CHRM3: variants seen among roughly 807,000 people sequenced by gnomAD.
CHRM3 encodes muscarinic acetylcholine receptor M3.
A neutral mutation model predicts 41.8 loss-of-function variants in CHRM3; 11 were observed. That is an observed-to-expected ratio of 0.26 (90% confidence interval 0.17 to 0.44). CHRM3 has a LOEUF of 0.44. CHRM3 is among the 20% of genes least tolerant of loss of function. CHRM3 has a pLI of 1.00. For synonymous variants in CHRM3, 297 were observed against 301.4 expected, an observed-to-expected ratio of 0.99 and a Z score of 0.15; for missense variants, 571 against 745.4, an observed-to-expected ratio of 0.77 and a Z score of 2.72.
chr1:239,664,068 G>A (rs1017877811), intron 4 of CHRM3, among the ~76,000 whole-genome samples: 7 of 152,176 alleles, frequency 4.6e-5, no homozygotes, highest in East Asian at 1.9e-4. Context: ...TCTGGTTTTC[G>A]TGAAGAATTA....
intron 4 of CHRM3, among the ~76,000 whole-genome samples, chr1:239,653,627 C>T (rs371874651): frequency 1.8e-4 from 28 of 152,234 alleles, no homozygotes; most frequent in South Asian, 1.2e-3. Context: ...TACAAGGGCT[C>T]GTTTAGCATT....
chr1:239,445,804 G>T (rs938264380), intron 1 of CHRM3, among the ~76,000 whole-genome samples: 5 of 152,156 alleles, frequency 3.3e-5, no homozygotes, highest in African/African-American at 1.2e-4. Context: ...CTCAGCAGGG[G>T]TGAATCCAGA....
rs563388465 is a variant in CHRM3, at chr1:239,672,043, G to C, written c.-249-6143G>C. ...GGAATTTTATCCCAGAGAATGAAAGGCATGTTGGTAAAGATGAGTTATGCA... is the reference window on the plus strand; with the variant it reads ...GGAATTTTATCCCAGAGAATGAAAGCCATGTTGGTAAAGATGAGTTATGCA... On this transcript the variant is annotated intron_variant, in intron 4 of 6. Transcript: ENST00000676153. 2.6e-5 allele frequency among the ~76,000 whole-genome samples: 4 copies of C among 152,232 alleles called. No homozygotes were observed. In the East Asian group the frequency reaches 7.7e-4, roughly 29 times the overall value.
chr1:239,773,845 G>A (rs10925974), intron 5 of CHRM3, among the ~76,000 whole-genome samples: 18,769 of 152,134 alleles, frequency 0.12, 1,619 homozygotes, highest in South Asian at 0.23. Context: ...TCGTTAGAAT[G>A]GAAGAAGGAA....
At chr1:239,485,398 A>G (rs748061393) in intron 1 of CHRM3, among the ~76,000 whole-genome samples, 1 of 152,150 alleles carries the variant, frequency 6.6e-6, no homozygotes, top group Non-Finnish European at 1.5e-5. Flanking sequence ...TCTGGGCTCA[A>G]GCAATCCTCC....
chr1:239,827,029 G>C (rs1409803571), intron 5 of CHRM3: 1 of 152,174 alleles, frequency 6.6e-6, no homozygotes, highest in Non-Finnish European at 1.5e-5. Context: ...AGAGTGGCAC[G>C]CTGCAAAGTT....
At chr1:239,473,247 A>G (rs1666246165) in intron 1 of CHRM3, among the ~76,000 whole-genome samples, 1 of 150,828 alleles carries the variant, frequency 6.6e-6, no homozygotes, top group Admixed American at 6.6e-5. Flanking sequence ...TTAACTTAAT[A>G]AACGTAAGCA....
chr1:239,662,865 C>T lies in CHRM3; in HGVS notation c.-249-15321C>T, dbSNP rs562120034. Among the ~76,000 whole-genome samples the T allele has an allele frequency of 1.6e-4, 24 of 146,596 alleles. No homozygotes were observed. The South Asian group carries it at 5.2e-3, about 32-fold the overall frequency. On this transcript the variant is annotated intron_variant, in intron 4 of 6. Coordinates refer to ENST00000676153, the MANE Select transcript of CHRM3 (RefSeq NM_001375978.1). ...CTTCTTCCTCTTCCTTCTCCTTCTC[C>T]TTTCTCCTCTTTCTCCTCTTCCTCC...
chr1:239,806,869 C>T (rs1014443550), intron 5 of CHRM3, among the ~76,000 whole-genome samples: 6 of 152,104 alleles, frequency 3.9e-5, no homozygotes, highest in African/African-American at 7.2e-5. Flanking sequence ...CCTTTCAAGG[C>T]GTAAAATTAA....
intron 1 of CHRM3, among the ~76,000 whole-genome samples, chr1:239,417,308 A>G (rs1464441853): frequency 6.6e-6 from 1 of 152,180 alleles, no homozygotes. Context: ...ATATTTTAGA[A>G]CAAGTGGTCT....
At chr1:239,520,886 T>C (rs1669597182) in intron 2 of CHRM3, among the ~76,000 whole-genome samples, 1 of 152,192 alleles carries the variant, frequency 6.6e-6, no homozygotes, top group Non-Finnish European at 1.5e-5. Flanking sequence ...CATAACATAC[T>C]GTTAGTACAA....
intron 4 of CHRM3, among the ~76,000 whole-genome samples, chr1:239,651,618 C>T (rs1672245083): frequency 6.6e-6 from 1 of 152,164 alleles, no homozygotes; most frequent in African/African-American, 2.4e-5. Flanking sequence ...CTACCTCCAG[C>T]ACTTTCTGAG....
At chr1:239,574,423 T>G (rs967238237) in intron 3 of CHRM3, among the ~76,000 whole-genome samples, 3 of 151,990 alleles carry the variant, frequency 2.0e-5, no homozygotes, top group African/African-American at 4.8e-5. Flanking sequence ...GGGCCCTTTG[T>G]CCAGCGCTGG....
intron 5 of CHRM3, among the ~76,000 whole-genome samples, chr1:239,738,331 A>C (rs2148474992): frequency 6.6e-6 from 1 of 152,268 alleles, no homozygotes; most frequent in African/African-American, 2.4e-5. Context: ...AATTTGAGAG[A>C]AGCTACATTG....
chr1:239,760,064 G>T (rs931198062), intron 5 of CHRM3, among the ~76,000 whole-genome samples: 1 of 147,818 alleles, frequency 6.8e-6, no homozygotes, highest in South Asian at 2.2e-4. Flanking sequence ...ACAGGCACCC[G>T]CCACCACACC....
chr1:239,681,563 A>G (rs528890540), intron 5 of CHRM3, among the ~76,000 whole-genome samples: 155 of 152,326 alleles, frequency 1.0e-3, no homozygotes, highest in African/African-American at 3.6e-3. Flanking sequence ...AGCTAAAAAC[A>G]TGTATATGAC....
At chr1:239,778,487 A>G (rs1377833589) in intron 5 of CHRM3, among the ~76,000 whole-genome samples, 1 of 152,056 alleles carries the variant, frequency 6.6e-6, no homozygotes, top group Non-Finnish European at 1.5e-5. Context: ...TGCCCTTTTG[A>G]TGTTATAGAC....
chr1:239,782,210 A>G (rs1668558806), intron 5 of CHRM3, among the ~76,000 whole-genome samples: 1 of 149,836 alleles, frequency 6.7e-6, no homozygotes, highest in South Asian at 2.1e-4. Flanking sequence ...AATATTTGGT[A>G]GCATTTACCA....
intron 5 of CHRM3, among the ~76,000 whole-genome samples, chr1:239,733,620 T>A (rs557867740): frequency 6.6e-6 from 1 of 152,158 alleles, no homozygotes; most frequent in South Asian, 2.1e-4. Flanking sequence ...TTACAAAGCA[T>A]CTTCTGTAAG....
Sources: allele counts gnomAD v4.1 joint callset (sites outside exome capture counted in the v4.1 genomes callset), GRCh38; gene constraint gnomAD v4.1.1; transcripts MANE v1.5; gene names NCBI Gene and HGNC (gene_info 2026-07-23, HGNC 2026-07-21).